The following KAT6B variants were observed in gnomAD, a reference collection of about 807,000 sequenced individuals.
KAT6B encodes histone acetyltransferase KAT6B.
Under a neutral mutation model 187.5 loss-of-function variants are expected in KAT6B, and 10 were observed. That is an observed-to-expected ratio of 0.05 (90% confidence interval 0.03 to 0.09). KAT6B has a LOEUF of 0.09. KAT6B is among the 10% of genes least tolerant of loss of function. The pLI is 1.00. For synonymous variants in KAT6B, 861 were observed against 926.8 expected (o/e 0.93, Z 1.29); for missense variants, 1,952 against 2,558.9 (o/e 0.76, Z 5.12).
In KAT6B at chr10:74,931,730, T is replaced by C. The variant is rs1423845931; in HGVS notation, c.622-28240T>C. On this transcript the variant is annotated intron_variant, in intron 3 of 17. Transcript: ENST00000287239. The stretch of plus-strand genomic sequence containing the variant: ...ATACTATTGAAGAAAGCAAGAAATG[T>C]GTGTTTGCGGGATTCTGTTGCTCAG... 1.3e-5 allele frequency among the ~76,000 whole-genome samples: 2 copies of C among 152,120 alleles called. 1 individual carries two copies. Among genetic ancestry groups the C allele is most frequent in the African/African-American group, 4.8e-5 (2 of 41,424 alleles).
intron 3 of KAT6B, among the ~76,000 whole-genome samples, chr10:74,867,980 C>T (rs1240302088): frequency 6.6e-6 from 1 of 152,088 alleles, no homozygotes; most frequent in Admixed American, 6.6e-5. Context: ...TATGGAATGG[C>T]CGAATAAGAA....
chr10:74,934,186 CAAAA>C (rs386371842), intron 3 of KAT6B, among the ~76,000 whole-genome samples: 1 of 69,382 alleles, frequency 1.4e-5, no homozygotes. Flanking sequence ...ACTCCGTCTC[CAAAA>C]AAAAAAAAAA....
At chr10:74,951,115 T>C (rs75855956) in intron 3 of KAT6B, among the ~76,000 whole-genome samples, 3,670 of 152,098 alleles carry the variant, frequency 0.024, 149 homozygotes, top group African/African-American at 0.083. Flanking sequence ...CTTTTTCTTT[T>C]TTTTTTTTTA....
At chr10:74,893,472 T>G (rs1187023223) in intron 3 of KAT6B, among the ~76,000 whole-genome samples, 164 of 152,184 alleles carry the variant, frequency 1.1e-3, no homozygotes, top group African/African-American at 3.4e-3. Context: ...TTTTTTTGTT[T>G]TTTGTTTTTT....
chr10:74,954,371 G>C (rs573528264), intron 3 of KAT6B, among the ~76,000 whole-genome samples: 1 of 152,254 alleles, frequency 6.6e-6, no homozygotes, highest in Admixed American at 6.5e-5. Context: ...AGTTTTGCAA[G>C]TTGAAAAGAG....
At chr10:75,026,348 G>A (rs2134209982) in intron 17 of KAT6B, among the ~76,000 whole-genome samples, 1 of 152,174 alleles carries the variant, frequency 6.6e-6, no homozygotes, top group East Asian at 1.9e-4. Context: ...GGTTGAGAAC[G>A]TGTGCTCCCA....
intron 7 of KAT6B, among the ~76,000 whole-genome samples, chr10:74,974,134 C>T (rs1435425586): frequency 6.6e-6 from 1 of 152,148 alleles, no homozygotes; most frequent in African/African-American, 2.4e-5. Flanking sequence ...TTGTTGGTAA[C>T]TCTCACTGTG....
intron 3 of KAT6B, among the ~76,000 whole-genome samples, chr10:74,940,233 G>A (rs542224388): frequency 7.9e-5 from 12 of 151,144 alleles, no homozygotes; most frequent in African/African-American, 1.2e-4. Flanking sequence ...ACATTGAGGA[G>A]TTTAAAGCTA....
intron 3 of KAT6B, among the ~76,000 whole-genome samples, chr10:74,866,853 C>T (rs1843589910): frequency 6.6e-6 from 1 of 152,166 alleles, no homozygotes; most frequent in Admixed American, 6.5e-5. Flanking sequence ...ACAAGTTTCT[C>T]ATTCTGTGTG....
At chr10:75,027,280 C>T (rs1407965852) in intron 17 of KAT6B, among the ~76,000 whole-genome samples, 1 of 152,186 alleles carries the variant, frequency 6.6e-6, no homozygotes, top group Non-Finnish European at 1.5e-5. Context: ...CATATGTGTT[C>T]TTTTCAGCTG....
At chr10:74,927,368 A>C (rs909233905) in intron 3 of KAT6B, among the ~76,000 whole-genome samples, 2 of 151,900 alleles carry the variant, frequency 1.3e-5, no homozygotes, top group African/African-American at 4.8e-5. Context: ...GGAGAGCCTG[A>C]ATGATCAGGA....
chr10:74,994,714 A>G (rs868380546), intron 13 of KAT6B, among the ~76,000 whole-genome samples: 1 of 151,014 alleles, frequency 6.6e-6, no homozygotes, highest in Admixed American at 6.6e-5. Context: ...TGAACCCGGG[A>G]GGTGGAGGTT....
intron 1 of KAT6B, among the ~76,000 whole-genome samples, chr10:74,831,513 A>G (rs1840860492): frequency 6.6e-6 from 1 of 151,952 alleles, no homozygotes; most frequent in Admixed American, 6.6e-5. Context: ...ATTACAATCT[A>G]TTTTTGCTTT....
intron 12 of KAT6B, 28 bp downstream of exon 12, chr10:74,985,269 T>G (rs1237174287): frequency 6.2e-7 from 1 of 1,612,280 alleles, no homozygotes; most frequent in Admixed American, 1.7e-5. Flanking sequence ...ATGACCTTCA[T>G]TTTCTTTTTC....
At chr10:75,000,280 GC>G (rs111525830) in intron 13 of KAT6B, among the ~76,000 whole-genome samples, 6 of 151,968 alleles carry the variant, frequency 3.9e-5, no homozygotes, top group African/African-American at 9.7e-5. Flanking sequence ...AAGCTGGAGA[GC>G]CTGGAGCATG....
intron 3 of KAT6B, among the ~76,000 whole-genome samples, chr10:74,860,863 C>T (rs752157551): frequency 3.9e-5 from 6 of 152,042 alleles, no homozygotes; most frequent in Admixed American, 1.3e-4. Flanking sequence ...CTGGGCCAGG[C>T]GCAGTGGCTC....
At chr10:75,026,866 T>A (rs955911124) in intron 17 of KAT6B, among the ~76,000 whole-genome samples, 1 of 152,144 alleles carries the variant, frequency 6.6e-6, no homozygotes, top group African/African-American at 2.4e-5. Context: ...CCAGGCATGG[T>A]GGCTCATGCC....
chr10:74,956,031 C>T (rs1291392230), intron 3 of KAT6B, among the ~76,000 whole-genome samples: 1 of 152,168 alleles, frequency 6.6e-6, no homozygotes, highest in Non-Finnish European at 1.5e-5. Context: ...TCAAGCCGTC[C>T]TCCCACCTCA....
At chr10:74,894,196 C>T (rs1281619486) in intron 3 of KAT6B, among the ~76,000 whole-genome samples, 2 of 152,100 alleles carry the variant, frequency 1.3e-5, no homozygotes. Context: ...ATTCTCCTGC[C>T]TCAGCCTCCC....
Sources: gnomAD v4.1 joint callset for allele counts (sites outside exome capture counted in the v4.1 genomes callset) on GRCh38, gnomAD v4.1.1 for gene constraint, MANE v1.5 for transcripts, NCBI Gene and HGNC (gene_info 2026-07-23, HGNC 2026-07-21) for gene names.